The following GRIN2B variants were observed in gnomAD, a reference collection of about 807,000 sequenced individuals.
The protein encoded by GRIN2B is glutamate ionotropic receptor NMDA type subunit 2B.
In GRIN2B, 5 loss-of-function variants were observed where a neutral mutation model predicts 114.5. The observed-to-expected ratio is 0.04, with a 90% CI of 0.02 to 0.09. GRIN2B has a LOEUF of 0.09. Ranked by LOEUF, GRIN2B falls within the 10% of genes least tolerant of loss-of-function variation. GRIN2B has a pLI of 1.00. For synonymous variants in GRIN2B, 787 were observed against 745.1 expected (o/e 1.06, Z -0.92); for missense variants, 1,108 against 1,943.5 (o/e 0.57, Z 8.08).
chr12:13,716,131 G>A (rs934586651), intron 4 of GRIN2B, among the ~76,000 whole-genome samples: 10 of 151,740 alleles, frequency 6.6e-5, no homozygotes, highest in Non-Finnish European at 1.5e-5. Flanking sequence ...AAACTCCTTG[G>A]GGATAAGAAT....
At chr12:13,697,239 C>G (rs557414191) in intron 4 of GRIN2B, among the ~76,000 whole-genome samples, 1 of 152,094 alleles carries the variant, frequency 6.6e-6, no homozygotes, top group Non-Finnish European at 1.5e-5. Flanking sequence ...TCAATTTTCA[C>G]TTTTTAAATG....
chr12:13,977,024 T>C (rs1368406621), intron 2 of GRIN2B, among the ~76,000 whole-genome samples: 2 of 152,240 alleles, frequency 1.3e-5, no homozygotes, highest in Admixed American at 1.3e-4. Context: ...GCTATCTTTC[T>C]GGAGGTAAAC....
chr12:13,933,502 C>T (rs976730671), intron 2 of GRIN2B, among the ~76,000 whole-genome samples: 14 of 152,320 alleles, frequency 9.2e-5, no homozygotes, highest in Non-Finnish European at 1.9e-4. Context: ...TATCCTTACA[C>T]TTACAGTTCT....
intron 2 of GRIN2B, among the ~76,000 whole-genome samples, chr12:13,973,605 G>T (rs1351428021): frequency 1.3e-5 from 2 of 152,060 alleles, no homozygotes; most frequent in Admixed American, 6.6e-5. Context: ...TCATCACTGT[G>T]CCTCCCCTGC....
At chr12:13,778,665 C>T (rs368779956) in intron 3 of GRIN2B, among the ~76,000 whole-genome samples, 3 of 152,192 alleles carry the variant, frequency 2.0e-5, no homozygotes, top group African/African-American at 7.2e-5. Flanking sequence ...AATCAAGTGG[C>T]TCATCAAGAA....
chr12:13,761,489 T>A (rs976423526), intron 3 of GRIN2B, among the ~76,000 whole-genome samples: 12 of 152,264 alleles, frequency 7.9e-5, no homozygotes, highest in Middle Eastern at 3.4e-3. Context: ...AGATTCCCCA[T>A]CACTAAGATA....
chr12:13,565,050 A>G (rs1302780500), intron 13 of GRIN2B, among the ~76,000 whole-genome samples: 4 of 152,236 alleles, frequency 2.6e-5, no homozygotes, highest in African/African-American at 9.6e-5. Flanking sequence ...ATAAACGGCC[A>G]TGTTCTATGG....
At chr12:13,950,352 A>C (rs1369757685) in intron 2 of GRIN2B, among the ~76,000 whole-genome samples, 1 of 152,202 alleles carries the variant, frequency 6.6e-6, no homozygotes, top group Non-Finnish European at 1.5e-5. Context: ...GGAGCTCTGT[A>C]GTCAGATTTA....
chr12:13,920,713 TAC>T (rs1445052398), intron 2 of GRIN2B, among the ~76,000 whole-genome samples: 2 of 152,178 alleles, frequency 1.3e-5, no homozygotes, highest in African/African-American at 4.8e-5. Context: ...GTGGCAAAGG[TAC>T]AGTTTTGCCG....
At chr12:13,926,748 T>A (rs1398981364) in intron 2 of GRIN2B, among the ~76,000 whole-genome samples, 1 of 151,954 alleles carries the variant, frequency 6.6e-6, no homozygotes, top group African/African-American at 2.4e-5. Flanking sequence ...GGAGAGGAGA[T>A]CGAGACCATC....
intron 2 of GRIN2B, among the ~76,000 whole-genome samples, chr12:13,964,637 G>C (rs936928920): frequency 3.3e-5 from 5 of 152,226 alleles, no homozygotes; most frequent in African/African-American, 1.2e-4. Flanking sequence ...ACTTCATGTG[G>C]AATTTGAGGC....
chr12:13,620,377 A>G (rs1311909718), intron 5 of GRIN2B, among the ~76,000 whole-genome samples: 1 of 151,902 alleles, frequency 6.6e-6, no homozygotes, highest in East Asian at 1.9e-4. Context: ...TCTCTTCCCA[A>G]CTCCTTGTTC....
chr12:13,565,521 C>T (rs573947532), intron 13 of GRIN2B, among the ~76,000 whole-genome samples: 6 of 152,232 alleles, frequency 3.9e-5, no homozygotes, highest in Admixed American at 3.3e-4. Flanking sequence ...TGAAGGACAC[C>T]GTGCAGGAGA....
intron 4 of GRIN2B, among the ~76,000 whole-genome samples, chr12:13,752,019 G>T (rs1039815925): frequency 6.6e-6 from 1 of 152,074 alleles, no homozygotes; most frequent in African/African-American, 2.4e-5. Flanking sequence ...GAGAGTTGAT[G>T]GTGGAAGAAT....
Position 13,572,993 on chromosome 12 carries a change from T to C in GRIN2B, c.2011-1029A>G, listed in dbSNP as rs149418667. ...ATGTCATCATTAAGAGTTTAAACTCTAGATTGAAACAGATACGGATTGAAG... is the reference window on the plus strand; with the variant it reads ...ATGTCATCATTAAGAGTTTAAACTCCAGATTGAAACAGATACGGATTGAAG... On this transcript the variant is annotated intron_variant, in intron 10 of 13. Transcript: ENST00000609686. Among the ~76,000 whole-genome samples, 40 of 125,502 alleles carry C rather than the reference T, an allele frequency of 3.2e-4. No individual in the cohort carries two copies. In the East Asian group the frequency reaches 6.4e-3, roughly 20 times the overall value. 82.3% of individuals were successfully genotyped at this position (125,502 alleles called of 152,430 possible).
In GRIN2B at chr12:13,547,476, G is replaced by A. The variant is rs1422883381; in HGVS notation, c.*15307C>T. On this transcript the variant is annotated 3_prime_UTR_variant, in exon 14 of 14. Transcript: ENST00000609686. The stretch of plus-strand genomic sequence containing the variant: ...CCCTTGGGATTAAATGAAATCTGCT[G>A]ATTCTACTCTTTTTTCATGAATTTC... The A allele has an allele frequency of 6.6e-6, 1 of 152,116 alleles. No individual in the cohort carries two copies. Among genetic ancestry groups the A allele is most frequent in the Non-Finnish European group, 1.5e-5 (1 of 68,010 alleles). 9.4% of individuals were successfully genotyped at this position (152,116 alleles called of 1,614,324 possible).
At chr12:13,803,181 A>G (rs1318502179) in intron 3 of GRIN2B, among the ~76,000 whole-genome samples, 3 of 152,168 alleles carry the variant, frequency 2.0e-5, no homozygotes, top group African/African-American at 7.2e-5. Context: ...CATACAAAAT[A>G]TATGCTAATT....
At chr12:13,953,037 C>T (rs916561331) in intron 2 of GRIN2B, among the ~76,000 whole-genome samples, 1 of 151,368 alleles carries the variant, frequency 6.6e-6, no homozygotes, top group African/African-American at 2.4e-5. Flanking sequence ...TTGAGAAGAC[C>T]CAAGCATCTG....
intron 5 of GRIN2B, among the ~76,000 whole-genome samples, chr12:13,635,683 T>C (rs1949660522): frequency 6.6e-6 from 1 of 152,180 alleles, no homozygotes; most frequent in South Asian, 2.1e-4. Flanking sequence ...CATTTGCTTG[T>C]TTTAAGCAAG....
Sources: allele counts gnomAD v4.1 joint callset (sites outside exome capture counted in the v4.1 genomes callset), GRCh38; gene constraint gnomAD v4.1.1; transcripts MANE v1.5; gene names NCBI Gene and HGNC (gene_info 2026-07-23, HGNC 2026-07-21).